The following SERPINF2 variants were observed in gnomAD, a reference collection of about 807,000 sequenced individuals.
SERPINF2 encodes the protein serpin family F member 2.
SERPINF2 carries 15 observed loss-of-function variants against 45.0 expected under a neutral mutation model. The observed-to-expected ratio is 0.33, with a 90% CI of 0.22 to 0.51. The LOEUF is 0.51. SERPINF2 is among the 20% of genes least tolerant of loss of function. The probability of loss-of-function intolerance (pLI) is 0.97; values close to 1 mark genes in which losing one functional copy is unlikely to be tolerated. For synonymous variants in SERPINF2, 283 were observed against 277.9 expected (o/e 1.02, Z -0.18); for missense variants, 518 against 637.4 (o/e 0.81, Z 2.02).
At position 1,747,370 on chromosome 17, in the gene SERPINF2, G is replaced by A; in HGVS notation, c.573G>A (p.Val191=). 6.2e-7 allele frequency: 1 copy of A among 1,614,192 alleles called. No homozygotes were observed. Among genetic ancestry groups the A allele is most frequent in the Non-Finnish European group, 8.5e-7 (1 of 1,180,052 alleles). ...AACAGCTATTTGGGGCAAAGCCCGTGAGCCTGACGGGAAAGCAGGAAGATG... is the reference window on the plus strand; with the variant it reads ...AACAGCTATTTGGGGCAAAGCCCGTAAGCCTGACGGGAAAGCAGGAAGATG... ...QSEQLFGAKP[V]SLTGKQEDDL... Residue 191 remains valine, a synonymous_variant, in exon 7 of 10, where the codon GTG becomes GTA. Transcript: ENST00000453066.
rs117934930 is a variant in SERPINF2 at position 1,750,884 on chromosome 17, C to T, written c.859-1702C>T. Among the ~76,000 whole-genome samples the T allele has an allele frequency of 2.5e-3, 374 of 152,290 alleles. 1 individual carries two copies. The highest frequency in any genetic ancestry group is 4.7e-3 in the Non-Finnish European group (322 of 68,014). On this transcript the variant is annotated intron_variant, in intron 8 of 9. Coordinates refer to ENST00000453066, the MANE Select transcript of SERPINF2 (RefSeq NM_000934.4). ...GAAAGGCCAGTCTGATCCACCTCCC[C>T]GAGGCTCCCCTTTCCTGCTTCCCCT...
In SERPINF2 at chr17:1,754,782, G is replaced by A. The variant is rs566710940; in HGVS notation, c.*248G>A. 12 of 533,068 alleles carry A rather than the reference G, an allele frequency of 2.3e-5. No homozygotes were observed. Among genetic ancestry groups the A allele is most frequent in the African/African-American group, 1.5e-4 (8 of 52,052 alleles). 33.0% of individuals were successfully genotyped at this position (533,068 alleles called of 1,614,324 possible). On this transcript the variant is annotated 3_prime_UTR_variant, in exon 10 of 10. Coordinates refer to ENST00000453066, the MANE Select transcript of SERPINF2 (RefSeq NM_000934.4). ...ACAGGCTCAGAGGGTGTCCTGCACC[G>A]GGGCCTGGGCAGGAGGGAGGTGCTT...
chr17:1,746,875 C>T, intron 5 of SERPINF2, 144 bp from the exon 6 acceptor site: 3 of 1,144,798 alleles, frequency 2.6e-6, no homozygotes, highest in Non-Finnish European at 3.6e-6. Context: ...GGGTGAGAGC[C>T]ACGCAGAACA....
In SERPINF2 at chr17:1,745,843, T is replaced by A; in HGVS notation, c.301T>A (p.Ser101Thr). ...ADLFSLVAQT[S>T]TCPNLILSPL... ...CCTGTTCTCCCTGGTGGCTCAAACG[T>A]CCACCTGCCCCAACCTCATCCTGTC... Residue 101 changes from serine (S) to threonine (T), a missense_variant, in exon 5 of 10, where the codon TCC (serine) becomes ACC (threonine). Ser to Thr is a moderately conservative substitution (Grantham distance 58). Transcript: ENST00000453066. This position sits in a 1 kb window ranked among gnomAD's most constrained non-coding sequence, Gnocchi z 6.2. The A allele has an allele frequency of 6.2e-7, 1 of 1,613,928 alleles. No homozygotes were observed. Among genetic ancestry groups the A allele is most frequent in the Non-Finnish European group, 8.5e-7 (1 of 1,179,992 alleles).
At chr17:1,743,111 T>C (rs1597317812) in intron 1 of SERPINF2, 4 of 973,070 alleles carry the variant, frequency 4.1e-6, no homozygotes, top group Non-Finnish European at 4.8e-6. Context: ...GGCTCTTGTG[T>C]GGGATGGGGG....
At chr17:1,747,635 G>T in intron 7 of SERPINF2, 123 bp downstream of exon 7, 1 of 1,090,896 alleles carries the variant, frequency 9.2e-7, no homozygotes, top group South Asian at 1.3e-5. Flanking sequence ...CGCGATCTCG[G>T]CTCCCTGCAA....
At chr17:1,746,896 T>C in intron 5 of SERPINF2, 123 bp from the exon 6 acceptor site, 1 of 1,296,306 alleles carries the variant, frequency 7.7e-7, no homozygotes, top group South Asian at 1.4e-5. Context: ...GATCCGTGGC[T>C]GTGGAAGGAT....
At chr17:1,752,470 A>T in intron 8 of SERPINF2, 116 bp from the exon 9 acceptor site, 1 of 891,088 alleles carries the variant, frequency 1.1e-6, no homozygotes, top group Non-Finnish European at 1.9e-6. Flanking sequence ...GGTCAGTCAC[A>T]CGCCTGGCAG....
In SERPINF2 at chr17:1,752,762, G is replaced by A; in HGVS notation, c.1035G>A (p.Met345Ile). Residue 345 changes from methionine to isoleucine, a missense_variant, in exon 9 of 10, where the codon ATG becomes ATA. Physicochemically the swap from Met to Ile is conservative, Grantham distance 10 (BLOSUM62 1). Transcript: ENST00000453066. Reference sequence around the variant, plus strand: ...CTAAGCTGTATCTGAAACACCAAATGGACCTGGTGGCCACCCTCAGCCAGC... The same window carrying A: ...CTAAGCTGTATCTGAAACACCAAATAGACCTGGTGGCCACCCTCAGCCAGC... ...RLPKLYLKHQMDLVATLSQLG... is the reference protein window; with the variant it reads ...RLPKLYLKHQIDLVATLSQLG... 6.2e-7 allele frequency: 1 copy of A among 1,612,938 alleles called. No individual in the cohort carries two copies. Among genetic ancestry groups the A allele is most frequent in the Non-Finnish European group, 8.5e-7 (1 of 1,179,638 alleles).
At chr17:1,744,123 G>A (rs1486231286) in intron 1 of SERPINF2, among the ~76,000 whole-genome samples, 3 of 150,928 alleles carry the variant, frequency 2.0e-5, no homozygotes, top group Non-Finnish European at 4.4e-5. Flanking sequence ...TTGAACTCCC[G>A]ACCTCAGGTG....
At chr17:1,746,653 T>C (rs1905852115) in intron 5 of SERPINF2, among the ~76,000 whole-genome samples, 1 of 151,910 alleles carries the variant, frequency 6.6e-6, no homozygotes, top group African/African-American at 2.4e-5. Flanking sequence ...TCTCGAACTC[T>C]CGACCTAAGG....
intron 1 of SERPINF2, among the ~76,000 whole-genome samples, chr17:1,743,837 GC>G (rs1356733051): frequency 1.3e-5 from 2 of 151,928 alleles, no homozygotes; most frequent in Non-Finnish European, 2.9e-5. Context: ...GTGGCCTTGA[GC>G]CAAGCTGACC....
rs181358902 is a variant in SERPINF2 at position 1,754,733 on chromosome 17, G to T, written c.*199G>T. Reference sequence around the variant, plus strand: ...GAGGGCAGGCATCGGGGAGCCGGGAGCCTGACCCTCATCTTTCTTCCAAAC... The same window carrying T: ...GAGGGCAGGCATCGGGGAGCCGGGATCCTGACCCTCATCTTTCTTCCAAAC... On this transcript the variant is annotated 3_prime_UTR_variant, in exon 10 of 10. Transcript: ENST00000453066. 4.9e-4 allele frequency: 318 copies of T among 648,624 alleles called. 3 individuals are homozygous for T. The African/African-American group carries it at 5.5e-3, about 11-fold the overall frequency. The allele number at this position is 648,624 out of a possible 1,614,324, so 40.2% of individuals were successfully genotyped here.
At position 1,754,974 on chromosome 17, in the gene SERPINF2, A is replaced by C. The variant is rs1413471894; in HGVS notation, c.*440A>C. On this transcript the variant is annotated 3_prime_UTR_variant, in exon 10 of 10. Transcript: ENST00000453066. ...GCCCTGGTGGTGGCTCGGGAGGCGA[A>C]GCGTTGTCCTCAGCCCCGCGTGGAA... is the stretch of plus-strand genomic sequence containing the variant. 4.6e-6 allele frequency: 1 copy of C among 217,952 alleles called. No homozygotes were observed. The highest frequency in any genetic ancestry group is 2.3e-5 in the African/African-American group (1 of 43,196). The allele number at this position is 217,952 out of a possible 1,614,324, so 13.5% of individuals were successfully genotyped here. A position where few individuals can be genotyped will look rare whatever the true frequency, so the allele number is the denominator to read the frequency against.
chr17:1,754,491 C>T lies in SERPINF2; in HGVS notation c.1433C>T (p.Pro478Leu), dbSNP rs1410974642. The T allele has an allele frequency of 1.2e-6, 2 of 1,609,306 alleles. No individual in the cohort carries two copies. The highest frequency in any genetic ancestry group is 1.7e-5 in the Admixed American group (1 of 59,242). ...KLFGPDLKLVPPMEEDYPQFG... is the reference protein window; with the variant it reads ...KLFGPDLKLVLPMEEDYPQFG... ...TTCGGCCCTGACTTAAAACTTGTGC[C>T]CCCCATGGAGGAGGATTACCCCCAG... Residue 478 changes from proline to leucine, a missense_variant, in exon 10 of 10, where the codon CCC becomes CTC. Pro to Leu is a moderately conservative substitution (Grantham distance 98). Transcript: ENST00000453066.
Position 1,747,507 on chromosome 17 carries a change from T to A in SERPINF2, c.710T>A (p.Phe237Tyr), listed in dbSNP as rs1334847091. The change falls in exon 7 of 10, where the codon TTC becomes TAC. Residue 237 changes from phenylalanine (F) to tyrosine (Y), a missense_variant. This residue lies in a region of SERPINF2 where 435 missense variants were observed against 577.3 expected (regional missense o/e 0.75). Coordinates refer to ENST00000453066, the MANE Select transcript of SERPINF2 (RefSeq NM_000934.4). ...TVLLLLNAIH[F>Y]QGFWRNKFDP... ...TTGCTTCTCCTCAACGCCATCCACT[T>A]CCAGGGTGCGCTCCTCCTCCTCTCA... 6.2e-7 allele frequency: 1 copy of A among 1,613,742 alleles called. No individual in the cohort carries two copies. Among genetic ancestry groups the A allele is most frequent in the African/African-American group, 1.3e-5 (1 of 74,930 alleles).
At chr17:1,753,303 C>T (rs1016702584) in intron 9 of SERPINF2, among the ~76,000 whole-genome samples, 1 of 152,198 alleles carries the variant, frequency 6.6e-6, no homozygotes, top group Non-Finnish European at 1.5e-5. Flanking sequence ...GTGGGAGGCC[C>T]TCTTGACCCC....
intron 8 of SERPINF2, 89 bp from the exon 9 acceptor site, chr17:1,752,497 A>AT (rs1418721417): frequency 8.5e-7 from 1 of 1,173,478 alleles, no homozygotes; most frequent in African/African-American, 1.5e-5. Context: ...CAGGAGCCCC[A>AT]TTGTCTGCCT....
At chr17:1,746,656 A>G (rs1401967913) in intron 5 of SERPINF2, among the ~76,000 whole-genome samples, 1 of 151,868 alleles carries the variant, frequency 6.6e-6, no homozygotes, top group Non-Finnish European at 1.5e-5. Flanking sequence ...CGAACTCTCG[A>G]CCTAAGGTGA....
Sources: allele counts gnomAD v4.1 joint callset (sites outside exome capture counted in the v4.1 genomes callset), GRCh38; gene constraint gnomAD v4.1.1; regional missense constraint gnomAD v4.1.1; non-coding constraint Gnocchi (gnomAD v3.1); transcripts MANE v1.5; gene names NCBI Gene and HGNC (gene_info 2026-07-23, HGNC 2026-07-21).